The following PLGRKT variants were observed in gnomAD, a reference collection of about 807,000 sequenced individuals.
PLGRKT encodes plasminogen receptor (KT).
PLGRKT carries 22 observed loss-of-function variants against 18.5 expected under a neutral mutation model. The observed-to-expected ratio is 1.19, with a 90% CI of 0.85 to 1.70. The LOEUF (loss-of-function observed/expected upper bound fraction) is 1.70, where lower values mean the gene tolerates loss of function less well. Ranked by LOEUF, PLGRKT falls within the 40% of genes most tolerant of loss-of-function variation. The pLI, the probability that PLGRKT is intolerant of heterozygous loss-of-function variation, is 0.00. For synonymous variants in PLGRKT, 72 were observed against 52.8 expected, an observed-to-expected ratio of 1.36 and a Z score of -1.58; for missense variants, 235 against 174.4, an observed-to-expected ratio of 1.35 and a Z score of -1.96.
chr9:5,423,720 G>A (rs1227684012), intron 3 of PLGRKT, among the ~76,000 whole-genome samples: 3 of 142,932 alleles, frequency 2.1e-5, no homozygotes, highest in African/African-American at 7.8e-5. Flanking sequence ...TTTTTTTTTT[G>A]AGACAAGGTC....
At chr9:5,391,392 T>A (rs967916907) in intron 3 of PLGRKT, among the ~76,000 whole-genome samples, 1 of 151,956 alleles carries the variant, frequency 6.6e-6, no homozygotes, top group East Asian at 1.9e-4. Flanking sequence ...TAATTTCACC[T>A]AGATTATCGC....
Position 5,367,604 on chromosome 9 carries a change from G to C in PLGRKT, c.82-5716C>G, listed in dbSNP as rs541430867. Among the ~76,000 whole-genome samples the C allele has an allele frequency of 3.9e-5, 6 of 152,200 alleles. No individual in the cohort carries two copies. The South Asian group carries it at 1.2e-3, about 32-fold the overall frequency. On this transcript the variant is annotated intron_variant, in intron 3 of 5. Transcript: ENST00000223864. ...AAAACTTAACTCAAAATGGATTAAA[G>C]ACTTAAGTGGAAAACCTTAAACTAT...
chr9:5,386,027 G>A (rs147357177), intron 3 of PLGRKT, among the ~76,000 whole-genome samples: 76 of 151,884 alleles, frequency 5.0e-4, no homozygotes, highest in African/African-American at 1.5e-3. Flanking sequence ...GCCATATCTA[G>A]TATCTCCTGG....
intron 3 of PLGRKT, among the ~76,000 whole-genome samples, chr9:5,389,821 C>A (rs10975091): frequency 0.28 from 42,014 of 151,720 alleles, 6,154 homozygotes; most frequent in Non-Finnish European, 0.3. Flanking sequence ...AGTAGAGAAA[C>A]CAGCTTCATA....
chr9:5,367,166 G>A (rs1817411962), intron 3 of PLGRKT, among the ~76,000 whole-genome samples: 1 of 151,646 alleles, frequency 6.6e-6, no homozygotes. Context: ...TGGCCATACT[G>A]CCCAAAGTAA....
intron 3 of PLGRKT, among the ~76,000 whole-genome samples, chr9:5,386,920 G>T (rs973488975): frequency 1.3e-5 from 2 of 151,942 alleles, no homozygotes; most frequent in Non-Finnish European, 2.9e-5. Flanking sequence ...AATGCCTGGG[G>T]TGTTTAAGAA....
intron 3 of PLGRKT, among the ~76,000 whole-genome samples, chr9:5,420,180 T>C (rs1225454753): frequency 2.0e-5 from 3 of 152,176 alleles, no homozygotes; most frequent in Non-Finnish European, 2.9e-5. Flanking sequence ...GGCAAACCCA[T>C]TGAGGCAGAA....
chr9:5,380,930 C>T (rs1817731303), intron 3 of PLGRKT, among the ~76,000 whole-genome samples: 1 of 152,118 alleles, frequency 6.6e-6, no homozygotes, highest in Admixed American at 6.5e-5. Flanking sequence ...CCATGCTGTT[C>T]TCATGATAGT....
chr9:5,362,319 G>C (rs536269491), intron 3 of PLGRKT, among the ~76,000 whole-genome samples: 1 of 152,114 alleles, frequency 6.6e-6, no homozygotes, highest in Non-Finnish European at 1.5e-5. Context: ...GTATTTATTT[G>C]CTCCATATCA....
intron 1 of PLGRKT, among the ~76,000 whole-genome samples, chr9:5,437,004 T>C (rs116603406): frequency 2.1e-3 from 317 of 152,376 alleles, no homozygotes; most frequent in African/African-American, 7.2e-3. Context: ...TTATACAATT[T>C]TAAACATCAC....
At chr9:5,433,485 T>A (rs994215266) in intron 2 of PLGRKT, among the ~76,000 whole-genome samples, 4 of 146,148 alleles carry the variant, frequency 2.7e-5, no homozygotes, top group Admixed American at 2.7e-4. Context: ...AAGGAGCGAC[T>A]CTGCCTGACC....
intron 3 of PLGRKT, among the ~76,000 whole-genome samples, chr9:5,367,605 A>C (rs1244970020): frequency 6.6e-6 from 1 of 152,198 alleles, no homozygotes; most frequent in Non-Finnish European, 1.5e-5. Context: ...TGGATTAAAG[A>C]CTTAAGTGGA....
chr9:5,417,769 C>T (rs1005564900), intron 3 of PLGRKT, among the ~76,000 whole-genome samples: 1 of 150,328 alleles, frequency 6.7e-6, no homozygotes, highest in Non-Finnish European at 1.5e-5. Context: ...CACAACAAAA[C>T]ACAACACATT....
intron 3 of PLGRKT, among the ~76,000 whole-genome samples, chr9:5,369,517 T>G (rs1025992626): frequency 1.3e-5 from 2 of 151,984 alleles, no homozygotes; most frequent in South Asian, 2.1e-4. Context: ...GTTCAACCAT[T>G]GTGGAAGACA....
upstream of PLGRKT, among the ~76,000 whole-genome samples, chr9:5,438,204 T>A (rs3808849): frequency 0.2 from 30,960 of 152,132 alleles, 3,458 homozygotes; most frequent in Middle Eastern, 0.28. Context: ...GAGAATTGAC[T>A]GAAATTACCC....
At chr9:5,434,900 AAG>A (rs1289195979) in intron 2 of PLGRKT, among the ~76,000 whole-genome samples, 1 of 152,076 alleles carries the variant, frequency 6.6e-6, no homozygotes, top group East Asian at 1.9e-4. Context: ...GGGGAAAAGA[AAG>A]AGAGATCAGA....
rs538141120 is a variant in PLGRKT at position 5,397,402 on chromosome 9, T to C, written c.81+34495A>G. Among the ~76,000 whole-genome samples the C allele has an allele frequency of 2.6e-5, 4 of 152,080 alleles. No individual in the cohort carries two copies. In the South Asian group the frequency reaches 8.3e-4, roughly 31 times the overall value. On this transcript the variant is annotated intron_variant, in intron 3 of 5. Coordinates refer to ENST00000223864, the MANE Select transcript of PLGRKT (RefSeq NM_018465.4). ...ACTTAGCTCGATTTACACTTTGTAT[T>C]TCTTTAAATACTGTATGTCATTTCT...
At chr9:5,389,314 G>C (rs919621708) in intron 3 of PLGRKT, among the ~76,000 whole-genome samples, 1 of 151,868 alleles carries the variant, frequency 6.6e-6, no homozygotes. Context: ...GTCAGTGCCT[G>C]GCATGATTAC....
rs577563523 is a variant in PLGRKT at position 5,395,597 on chromosome 9, A to G, written c.82-33709T>C. ...AGCAGGTGAAACAAGCATTAAACTT[A>G]AGAACATGTTTAAACAGTGCAAATT... On this transcript the variant is annotated intron_variant, in intron 3 of 5. Transcript: ENST00000223864. 9.2e-5 allele frequency among the ~76,000 whole-genome samples: 14 copies of G among 152,074 alleles called. 1 individual carries two copies. The highest frequency in any genetic ancestry group is 3.4e-4 in the African/African-American group (14 of 41,344).
Sources: allele counts gnomAD v4.1 joint callset (sites outside exome capture counted in the v4.1 genomes callset), GRCh38; gene constraint gnomAD v4.1.1; transcripts MANE v1.5; gene names NCBI Gene and HGNC (gene_info 2026-07-23, HGNC 2026-07-21).